The following NRCAM variants were observed in gnomAD, a reference collection of about 807,000 sequenced individuals.
NRCAM encodes the protein neuronal cell adhesion molecule.
NRCAM carries 83 observed loss-of-function variants against 156.5 expected under a neutral mutation model. That is an observed-to-expected ratio of 0.53 (90% CI 0.44 to 0.64). The LOEUF (loss-of-function observed/expected upper bound fraction) is 0.64, where lower values mean the gene tolerates loss of function less well. NRCAM is among the 30% of genes least tolerant of loss of function. The pLI, the probability that NRCAM is intolerant of heterozygous loss-of-function variation, is 0.00. For missense variants in NRCAM, 1,417 were observed against 1,597.3 expected (o/e 0.89, Z 1.92); for synonymous variants, 538 against 563.9 (o/e 0.95, Z 0.65).
chr7:108,436,478 T>G (rs899869088), intron 1 of NRCAM, among the ~76,000 whole-genome samples: 3 of 152,226 alleles, frequency 2.0e-5, no homozygotes, highest in Non-Finnish European at 4.4e-5. Flanking sequence ...TAAAGTGATA[T>G]GCCTTCAGGA....
chr7:108,245,350 C>T (rs11496133), intron 3 of NRCAM, among the ~76,000 whole-genome samples: 6 of 152,218 alleles, frequency 3.9e-5, no homozygotes, highest in African/African-American at 1.2e-4. Context: ...AAACCTCTAA[C>T]GGTTTCTGAA....
chr7:108,446,646 G>A (rs950948355), intron 1 of NRCAM, among the ~76,000 whole-genome samples: 2 of 151,984 alleles, frequency 1.3e-5, no homozygotes, highest in South Asian at 2.1e-4. Context: ...TCTTTATCAT[G>A]CAGACTCGGC....
chr7:108,167,047 C>CA lies in NRCAM; in HGVS notation c.3339dup (p.Val1114CysfsTer39). ...CCAAAGAAGCTCCGAGAACCATTTA[C>CA]AATTTCTTTTCTCCATTCTTCTTTG... On this transcript the variant is annotated frameshift_variant, in exon 30 of 33. Transcript: ENST00000379028. LOFTEE classifies it high-confidence loss of function. 6.2e-7 allele frequency: 1 copy of CA among 1,613,750 alleles called. No homozygotes were observed. Among genetic ancestry groups the CA allele is most frequent in the South Asian group, 1.1e-5 (1 of 91,040 alleles).
At chr7:108,398,471 T>C (rs1426904847) in intron 2 of NRCAM, among the ~76,000 whole-genome samples, 1 of 152,192 alleles carries the variant, frequency 6.6e-6, no homozygotes, top group Non-Finnish European at 1.5e-5. Flanking sequence ...TCCAGTGTAA[T>C]ACACATAAAA....
chr7:108,394,424 A>T (rs2099771172), intron 2 of NRCAM, among the ~76,000 whole-genome samples: 1 of 152,206 alleles, frequency 6.6e-6, no homozygotes, highest in Admixed American at 6.5e-5. Context: ...AATCAGACTG[A>T]GGGGAGAAAA....
At chr7:108,352,765 T>C (rs1476584011) in intron 2 of NRCAM, among the ~76,000 whole-genome samples, 1 of 152,156 alleles carries the variant, frequency 6.6e-6, no homozygotes, top group Non-Finnish European at 1.5e-5. Context: ...TTTCAGTCAA[T>C]AGCATGACCC....
intron 2 of NRCAM, among the ~76,000 whole-genome samples, chr7:108,324,877 C>CATT (rs201240389): frequency 1.1e-4 from 9 of 82,674 alleles, no homozygotes; most frequent in South Asian, 3.6e-4. Context: ...TGGCACTGTA[C>CATT]TTTTTTTTTT....
chr7:108,428,910 T>A (rs1174118960), intron 1 of NRCAM, among the ~76,000 whole-genome samples: 1 of 146,532 alleles, frequency 6.8e-6, no homozygotes. Context: ...TTTGGAATTT[T>A]GACATGCCAT....
In NRCAM at chr7:108,444,536, G is replaced by A. The variant is rs141706736; in HGVS notation, c.-332+11707C>T. Among the ~76,000 whole-genome samples the A allele has an allele frequency of 5.8e-3, 890 of 152,238 alleles. 4 individuals are homozygous for A. The highest frequency in any genetic ancestry group is 9.1e-3 in the Non-Finnish European group (621 of 68,004). On this transcript the variant is annotated intron_variant, in intron 1 of 32. Transcript: ENST00000379028. ...CAGGAAGTCCAAGATCCAGGTGTCC[G>A]CAGGGTTGGTCCCTTCCAAGGGCTG...
intron 10 of NRCAM, among the ~76,000 whole-genome samples, chr7:108,224,990 C>T (rs1216735721): frequency 6.6e-6 from 1 of 152,002 alleles, no homozygotes; most frequent in East Asian, 1.9e-4. Context: ...TTAAGAGGAC[C>T]CTTTATCCAA....
chr7:108,362,286 C>T (rs2099558317), intron 2 of NRCAM, among the ~76,000 whole-genome samples: 1 of 152,054 alleles, frequency 6.6e-6, no homozygotes, highest in Admixed American at 6.6e-5. Flanking sequence ...AGCACTAATC[C>T]CATCGTGAGG....
At chr7:108,309,894 T>C (rs768980564) in intron 3 of NRCAM, among the ~76,000 whole-genome samples, 1 of 152,116 alleles carries the variant, frequency 6.6e-6, no homozygotes, top group Non-Finnish European at 1.5e-5. Flanking sequence ...AGCATTAAAA[T>C]TGTATAACTA....
At chr7:108,380,854 GC>G (rs1188347576) in intron 2 of NRCAM, among the ~76,000 whole-genome samples, 1 of 152,064 alleles carries the variant, frequency 6.6e-6, no homozygotes, top group African/African-American at 2.4e-5. Context: ...TCTAATAAAT[GC>G]TCCTGAGTAC....
chr7:108,193,168 G>T (rs1290253850), intron 17 of NRCAM, among the ~76,000 whole-genome samples: 2 of 152,288 alleles, frequency 1.3e-5, no homozygotes, highest in East Asian at 3.9e-4. Context: ...GACCACAGGT[G>T]TGAGACCACC....
intron 2 of NRCAM, among the ~76,000 whole-genome samples, chr7:108,389,233 G>C (rs557179519): frequency 1.3e-5 from 2 of 151,924 alleles, no homozygotes; most frequent in Non-Finnish European, 2.9e-5. Flanking sequence ...CTCTTATTTC[G>C]TTGAGCAGTC....
At chr7:108,255,851 G>A (rs1329629916) in intron 3 of NRCAM, among the ~76,000 whole-genome samples, 4 of 141,016 alleles carry the variant, frequency 2.8e-5, no homozygotes, top group Admixed American at 7.2e-5. Flanking sequence ...CCCTCCGCCC[G>A]GCAGCCGCCC....
chr7:108,445,677 C>T (rs1843404116), intron 1 of NRCAM, among the ~76,000 whole-genome samples: 1 of 152,070 alleles, frequency 6.6e-6, no homozygotes, highest in South Asian at 2.1e-4. Context: ...ACTTAAGTAA[C>T]TTTTCCAAAG....
intron 1 of NRCAM, among the ~76,000 whole-genome samples, chr7:108,452,702 CTT>C (rs1326579344): frequency 1.3e-5 from 2 of 152,212 alleles, no homozygotes; most frequent in Non-Finnish European, 2.9e-5. Flanking sequence ...GTAAAGCAGT[CTT>C]TTGATTCAAA....
At chr7:108,414,127 T>A (rs1309667553) in intron 1 of NRCAM, among the ~76,000 whole-genome samples, 1 of 152,204 alleles carries the variant, frequency 6.6e-6, no homozygotes, top group Non-Finnish European at 1.5e-5. Flanking sequence ...AAACAGGAAC[T>A]TAAAACTTAA....
Sources: gnomAD v4.1 joint callset for allele counts (sites outside exome capture counted in the v4.1 genomes callset) on GRCh38, gnomAD v4.1.1 for gene constraint, MANE v1.5 for transcripts, NCBI Gene and HGNC (gene_info 2026-07-23, HGNC 2026-07-21) for gene names.